ITGA3: variants seen among roughly 807,000 people sequenced by gnomAD.
ITGA3 encodes integrin subunit alpha 3.
ITGA3 carries 70 observed loss-of-function variants against 131.1 expected under a neutral mutation model. The observed-to-expected ratio is 0.53, with a 90% CI of 0.44 to 0.65. The LOEUF is 0.65. Ranked by LOEUF, ITGA3 falls within the 30% of genes least tolerant of loss-of-function variation. The pLI, the probability that ITGA3 is intolerant of heterozygous loss-of-function variation, is 0.00. For missense variants in ITGA3, 1,098 were observed against 1,388.6 expected (o/e 0.79, Z 3.33); for synonymous variants, 537 against 571.6 (o/e 0.94, Z 0.86).
At chr17:50,074,364 T>C in intron 9 of ITGA3, 84 bp downstream of exon 9, 1 of 1,556,944 alleles carries the variant, frequency 6.4e-7, no homozygotes, top group South Asian at 1.1e-5. Flanking sequence ...ATGTTTGCGC[T>C]AGCTCCTTGG....
At chr17:50,087,631 C>A in intron 23 of ITGA3, 113 bp from the exon 24 acceptor site, 1 of 1,240,358 alleles carries the variant, frequency 8.1e-7, no homozygotes, top group Non-Finnish European at 1.1e-6. Context: ...CCCAGGCTGC[C>A]CCCTACTGGC....
Position 50,089,202 on chromosome 17 carries a change from G to A in ITGA3, c.*124G>A. On this transcript the variant is annotated 3_prime_UTR_variant, in exon 26 of 26. Transcript: ENST00000320031. ...AGGAGGAGCGCTACCCACCTCCAGG[G>A]AGCACCCTGCCCACCAAGAAGCACT... 1 of 1,613,614 alleles carries A rather than the reference G, an allele frequency of 6.2e-7. No individual in the cohort carries two copies. The highest frequency in any genetic ancestry group is 8.5e-7 in the Non-Finnish European group (1 of 1,179,840).
Position 50,074,298 on chromosome 17 carries a change from T to C in ITGA3, c.1382+18T>C, listed in dbSNP as rs368943810. On this transcript the variant is annotated intron_variant, in intron 9 of 25. Transcript: ENST00000320031. ...CTGCTGCGGTGAGCCAGGAGGCCAG[T>C]GAATAAGGGTCTTTCTCTTCTTCAT... 1.7e-5 allele frequency: 27 copies of C among 1,612,842 alleles called. No individual in the cohort carries two copies. Among genetic ancestry groups the C allele is most frequent in the Non-Finnish European group, 2.3e-5 (27 of 1,179,394 alleles).
rs1351286075 is a variant in ITGA3, at chr17:50,064,232, CTG to C, written c.334+29_334+30del. On this transcript the variant is annotated intron_variant, in intron 2 of 25. Coordinates refer to ENST00000320031, the MANE Select transcript of ITGA3 (RefSeq NM_002204.4). This position sits in a 1 kb window ranked among gnomAD's most constrained non-coding sequence, Gnocchi z 4.4. ...GAGGGGAAGGGGCTGGGGAGGGGTG[CTG>C]GGTCAGAGGTCTGGCAGGGGGGTAC... The C allele has an allele frequency of 6.3e-7, 1 of 1,591,276 alleles. No homozygotes were observed. The highest frequency in any genetic ancestry group is 1.1e-5 in the South Asian group (1 of 87,672).
chr17:50,056,505 G>T lies in ITGA3; in HGVS notation c.66G>T (p.Met22Ile), dbSNP rs1907824239. The part of the protein sequence containing the change: ...PRLMLCALAL[M>I]VAAGGCVVSA... ...TGATGCTCTGTGCGCTCGCCTTGATGGTGGCGGCCGGCGGCTGCGTCGTCT... is the reference window on the plus strand; with the variant it reads ...TGATGCTCTGTGCGCTCGCCTTGATTGTGGCGGCCGGCGGCTGCGTCGTCT... The change falls in exon 1 of 26, where the codon ATG becomes ATT. Residue 22 changes from methionine (M) to isoleucine (I), a missense_variant. This residue lies in a region of ITGA3 where 356 missense variants were observed against 529.2 expected (regional missense o/e 0.67). Transcript: ENST00000320031. The surrounding 1 kb of genome is among the most constrained non-coding windows in gnomAD (Gnocchi z 5.6). 2.6e-6 allele frequency: 4 copies of T among 1,550,096 alleles called. No individual in the cohort carries two copies. The highest frequency in any genetic ancestry group is 3.5e-6 in the Non-Finnish European group (4 of 1,147,090).
At position 50,068,306 on chromosome 17, in the gene ITGA3, G is replaced by C; in HGVS notation, c.664+1G>C. 1 of 1,612,576 alleles carries C rather than the reference G, an allele frequency of 6.2e-7. No individual in the cohort carries two copies. The highest frequency in any genetic ancestry group is 1.1e-5 in the South Asian group (1 of 91,074). Reference sequence around the variant, plus strand: ...GCCCCCGGTGCCTACAACTGGAAAGGTGGGGACCATGGGGCCATGGGGGAA... The same window carrying C: ...GCCCCCGGTGCCTACAACTGGAAAGCTGGGGACCATGGGGCCATGGGGGAA... On this transcript the variant is annotated splice_donor_variant, in intron 4 of 25. Coordinates refer to ENST00000320031, the MANE Select transcript of ITGA3 (RefSeq NM_002204.4). LOFTEE classifies it high-confidence loss of function.
intron 3 of ITGA3, among the ~76,000 whole-genome samples, chr17:50,066,968 G>C (rs554736228): frequency 2.0e-5 from 3 of 152,224 alleles, no homozygotes; most frequent in East Asian, 3.9e-4. Flanking sequence ...TGTCACCTTT[G>C]AACACTGTTT....
chr17:50,059,862 C>CT (rs1427618512), intron 1 of ITGA3, among the ~76,000 whole-genome samples: 1 of 152,144 alleles, frequency 6.6e-6, no homozygotes, highest in Non-Finnish European at 1.5e-5. Context: ...TGGCCTTGTT[C>CT]TTTTTTTATC....
rs532663851 is a variant in ITGA3, at chr17:50,061,993, T to C, written c.207-2084T>C. 5.3e-5 allele frequency among the ~76,000 whole-genome samples: 8 copies of C among 149,684 alleles called. No homozygotes were observed. The South Asian group carries it at 1.5e-3, about 28-fold the overall frequency. On this transcript the variant is annotated intron_variant, in intron 1 of 25. Coordinates refer to ENST00000320031, the MANE Select transcript of ITGA3 (RefSeq NM_002204.4). ...AGGCGGAGGTGGCAGTGAGCCGAGG[T>C]TGTGCCACTGCACTCCAGCCTGGGT...
intron 4 of ITGA3, 151 bp downstream of exon 4, chr17:50,068,456 C>T (rs920471481): frequency 2.4e-5 from 20 of 825,266 alleles, no homozygotes; most frequent in Non-Finnish European, 3.6e-5. Flanking sequence ...TGTTTTAAAG[C>T]ACTTACTATG....
Position 50,064,391 on chromosome 17 carries a change from C to G in ITGA3, c.335-137C>G. On this transcript the variant is annotated intron_variant, in intron 2 of 25. Coordinates refer to ENST00000320031, the MANE Select transcript of ITGA3 (RefSeq NM_002204.4). The surrounding 1 kb of genome is among the most constrained non-coding windows in gnomAD (Gnocchi z 4.4). The stretch of plus-strand genomic sequence containing the variant: ...GGATTGGTAGAGCTCAGAATAATGA[C>G]GAGCTGGAGAAGGGGAGTTGGGAGG... 1.8e-6 allele frequency: 2 copies of G among 1,113,714 alleles called. No homozygotes were observed. The highest frequency in any genetic ancestry group is 2.6e-6 in the Non-Finnish European group (2 of 779,918). 69.0% of individuals were successfully genotyped at this position (1,113,714 alleles called of 1,614,324 possible). A position where few individuals can be genotyped will look rare whatever the true frequency, so the allele number is the denominator to read the frequency against.
chr17:50,074,967 T>C (rs1908815359), intron 10 of ITGA3, among the ~76,000 whole-genome samples: 1 of 152,148 alleles, frequency 6.6e-6, no homozygotes, highest in African/African-American at 2.4e-5. Flanking sequence ...TGAGAAAATA[T>C]ACAGAAAGTC....
At chr17:50,081,690 C>T (rs530454118) in intron 23 of ITGA3, among the ~76,000 whole-genome samples, 4 of 152,142 alleles carry the variant, frequency 2.6e-5, no homozygotes, top group South Asian at 2.1e-4. Flanking sequence ...ATCTGCACAA[C>T]GCCTCCATGA....
At chr17:50,081,283 C>A in intron 22 of ITGA3, 27 bp from the exon 23 acceptor site, 1 of 1,459,000 alleles carries the variant, frequency 6.9e-7, no homozygotes, top group Non-Finnish European at 9.4e-7. Flanking sequence ...CAAGTGTTCC[C>A]CTTGACCCAC....
At chr17:50,071,665 G>A (rs1427982801) in intron 6 of ITGA3, 147 bp downstream of exon 6, 10 of 748,528 alleles carry the variant, frequency 1.3e-5, no homozygotes, top group Non-Finnish European at 8.5e-6. Context: ...CTTTATGGGA[G>A]TCTGAGCACC....
Position 50,073,983 on chromosome 17 carries a change from G to T in ITGA3, c.1224G>T (p.Gly408=). The T allele has an allele frequency of 6.2e-7, 1 of 1,613,786 alleles. No homozygotes were observed. The highest frequency in any genetic ancestry group is 8.5e-7 in the Non-Finnish European group (1 of 1,179,728). Residue 408 remains glycine (G), a synonymous_variant, in exon 8 of 26, where the codon GGG becomes GGT. Coordinates refer to ENST00000320031, the MANE Select transcript of ITGA3 (RefSeq NM_002204.4). ...ACATCTATCACAGTAGCTCTAAGGG[G>T]CTCCTTAGACAGCCCCAGCAGGTAC... ...KVYIYHSSSK[G]LLRQPQQVIH... is the part of the protein sequence containing the mutation.
Position 50,076,491 on chromosome 17 carries a change from G to T in ITGA3, c.1824+16G>T, listed in dbSNP as rs1306114352. On this transcript the variant is annotated intron_variant, in intron 13 of 25. Coordinates refer to ENST00000320031, the MANE Select transcript of ITGA3 (RefSeq NM_002204.4). ...CCACACTGAGGTGAGTGGGGCTGGC[G>T]CCTGGACTGGAAGACCAGGGGCCAG... The T allele has an allele frequency of 1.2e-6, 2 of 1,607,390 alleles. No homozygotes were observed. Among genetic ancestry groups the T allele is most frequent in the African/African-American group, 1.3e-5 (1 of 74,934 alleles).
chr17:50,089,622 GA>G lies in ITGA3; in HGVS notation c.*548del. On this transcript the variant is annotated 3_prime_UTR_variant, in exon 26 of 26. Coordinates refer to ENST00000320031, the MANE Select transcript of ITGA3 (RefSeq NM_002204.4). ...AAGAGCCTCCCACCAGAGCCGGGAG[GA>G]AAAGGCCCCTGCAATGTGGTGACAC... is the stretch of plus-strand genomic sequence containing the variant. 2.6e-5 allele frequency: 6 copies of G among 232,898 alleles called. No individual in the cohort carries two copies. Among genetic ancestry groups the G allele is most frequent in the Non-Finnish European group, 4.3e-5 (5 of 116,770 alleles). The allele number at this position is 232,898 out of a possible 1,614,324, so 14.4% of individuals were successfully genotyped here.
intron 23 of ITGA3, 166 bp from the exon 24 acceptor site, chr17:50,087,578 A>T: frequency 2.9e-6 from 2 of 689,846 alleles, no homozygotes; most frequent in South Asian, 2.1e-5. Flanking sequence ...AGGAAGGACC[A>T]CTGGACCTGC....
Sources: gnomAD v4.1 joint callset for allele counts (sites outside exome capture counted in the v4.1 genomes callset) on GRCh38, gnomAD v4.1.1 for gene constraint, gnomAD v4.1.1 regional missense constraint, Gnocchi (gnomAD v3.1) non-coding constraint, MANE v1.5 for transcripts, NCBI Gene and HGNC (gene_info 2026-07-23, HGNC 2026-07-21) for gene names.